ZNF37A: variants seen among roughly 807,000 people sequenced by gnomAD.
ZNF37A encodes zinc finger protein 37a (KOX 21).
ZNF37A carries 10 observed loss-of-function variants against 12.3 expected under a neutral mutation model. That is an observed-to-expected ratio of 0.82 (90% CI 0.50 to 1.38). The LOEUF (loss-of-function observed/expected upper bound fraction) is 1.38, where lower values mean the gene tolerates loss of function less well. Among genes scored for constraint, ZNF37A ranks in the 40% most tolerant of loss-of-function variants. The pLI is 0.00. For synonymous variants in ZNF37A, 207 were observed against 223.0 expected (o/e 0.93, Z 0.64); for missense variants, 580 against 651.2 (o/e 0.89, Z 1.19).
At chr10:38,112,166 A>T (rs1484535086) in intron 5 of ZNF37A, among the ~76,000 whole-genome samples, 2 of 151,508 alleles carry the variant, frequency 1.3e-5, no homozygotes, top group South Asian at 2.1e-4. Flanking sequence ...ACCCAACAAA[A>T]CCCCTTTCCT....
At chr10:38,109,567 T>G (rs1343335948) in intron 5 of ZNF37A, among the ~76,000 whole-genome samples, 2 of 152,174 alleles carry the variant, frequency 1.3e-5, no homozygotes, top group African/African-American at 2.4e-5. Context: ...TGTTTGCAGA[T>G]GACATGATTC....
intron 7 of ZNF37A, among the ~76,000 whole-genome samples, chr10:38,132,739 A>G (rs957391694): frequency 4.6e-5 from 7 of 151,836 alleles, no homozygotes; most frequent in African/African-American, 1.7e-4. Flanking sequence ...TGTATTTTCA[A>G]CTTTCTTTAT....
chr10:38,135,661 T>C (rs1006773614), intron 7 of ZNF37A, among the ~76,000 whole-genome samples: 2 of 152,228 alleles, frequency 1.3e-5, no homozygotes, highest in African/African-American at 4.8e-5. Context: ...AGAGGTTTAA[T>C]TGACTCAACA....
At chr10:38,109,690 C>T (rs1212518280) in intron 5 of ZNF37A, among the ~76,000 whole-genome samples, 1 of 152,158 alleles carries the variant, frequency 6.6e-6, no homozygotes, top group Non-Finnish European at 1.5e-5. Flanking sequence ...CAGTCCTATA[C>T]ACCAATAATA....
intron 5 of ZNF37A, among the ~76,000 whole-genome samples, chr10:38,104,297 G>T (rs2067845991): frequency 6.6e-6 from 1 of 152,146 alleles, no homozygotes; most frequent in Non-Finnish European, 1.5e-5. Flanking sequence ...TCTTCAGAGA[G>T]CCCGCATAGA....
chr10:38,148,253 T>G (rs906850556), exon 8 of ZNF37A: 8 of 152,152 alleles, frequency 5.3e-5, no homozygotes, highest in African/African-American at 1.9e-4. Context: ...TGGCCCAAAT[T>G]TACAGAATTA....
At chr10:38,131,293 C>T (rs1479370169) in intron 7 of ZNF37A, among the ~76,000 whole-genome samples, 1 of 152,084 alleles carries the variant, frequency 6.6e-6, no homozygotes, top group Non-Finnish European at 1.5e-5. Flanking sequence ...TGAGGATTTT[C>T]TCCAGTGCTT....
At chr10:38,127,835 TGTG>T (rs1474319635), downstream of ZNF37A, among the ~76,000 whole-genome samples, 3 of 152,074 alleles carry the variant, frequency 2.0e-5, no homozygotes, top group Admixed American at 6.5e-5. Flanking sequence ...ACAAAAGAGG[TGTG>T]GTCGTAGTGC....
At chr10:38,143,837 A>G (rs1285780835) in intron 7 of ZNF37A, 5 of 152,252 alleles carry the variant, frequency 3.3e-5, no homozygotes, top group South Asian at 2.1e-4. Flanking sequence ...CCTTGCAGCA[A>G]GAAGTCCACA....
chr10:38,114,733 G>A (rs1480834126), intron 5 of ZNF37A, 22 bp from the exon 6 acceptor site: 3 of 1,613,870 alleles, frequency 1.9e-6, no homozygotes, highest in Non-Finnish European at 2.5e-6. Context: ...ACTTCAGACT[G>A]AGCAAAATTG....
intron 7 of ZNF37A, among the ~76,000 whole-genome samples, chr10:38,134,200 A>G (rs1227126759): frequency 1.3e-5 from 2 of 152,128 alleles, no homozygotes; most frequent in East Asian, 3.9e-4. Context: ...TCTTCTTTCA[A>G]AGTTTTTAGC....
intron 7 of ZNF37A, chr10:38,138,589 G>A (rs1186237080): frequency 2.0e-5 from 3 of 152,144 alleles, no homozygotes; most frequent in South Asian, 2.1e-4. Context: ...AGAATACTTA[G>A]TGAGGTCTAA....
At chr10:38,113,282 G>C (rs553553554) in intron 5 of ZNF37A, among the ~76,000 whole-genome samples, 13 of 127,598 alleles carry the variant, frequency 1.0e-4, no homozygotes, top group African/African-American at 3.9e-4. Context: ...GCACAGTCTT[G>C]GCTCACTGCA....
rs1231866163 is a variant in ZNF37A at position 38,117,500 on chromosome 10, C to A, written c.349C>A (p.Pro117Thr). 6.2e-7 allele frequency: 1 copy of A among 1,612,878 alleles called. No individual in the cohort carries two copies. The highest frequency in any genetic ancestry group is 2.2e-5 in the East Asian group (1 of 44,838). ...TGAAATAATTCATTCTGAAGAGGAACCTTCTGAATATAATAAAAATGGGAA... is the reference window on the plus strand; with the variant it reads ...TGAAATAATTCATTCTGAAGAGGAAACTTCTGAATATAATAAAAATGGGAA... ...KHEIIHSEEE[P>T]SEYNKNGNSF... Residue 117 changes from proline to threonine, a missense_variant, in exon 8 of 8, where the codon CCT becomes ACT. Coordinates refer to ENST00000685332, the MANE Select transcript of ZNF37A (RefSeq NM_001324250.3).
intron 4 of ZNF37A, among the ~76,000 whole-genome samples, chr10:38,096,208 C>G (rs1321596836): frequency 2.0e-5 from 3 of 152,110 alleles, no homozygotes; most frequent in Non-Finnish European, 2.9e-5. Flanking sequence ...CTGAAAAATA[C>G]CACATCGCTT....
Position 38,118,397 on chromosome 10 carries a change from T to C in ZNF37A, c.1246T>C (p.Cys416Arg), listed in dbSNP as rs1376714448. 2 of 1,613,970 alleles carry C rather than the reference T, an allele frequency of 1.2e-6. No homozygotes were observed. The highest frequency in any genetic ancestry group is 1.7e-6 in the Non-Finnish European group (2 of 1,179,980). Residue 416 changes from cysteine (C) to arginine (R), a missense_variant, in exon 8 of 8, where the codon TGT (cysteine) becomes CGT (arginine). Coordinates refer to ENST00000685332, the MANE Select transcript of ZNF37A (RefSeq NM_001324250.3). ...TGEKPYECNECGKSFSEKSTL... is the reference protein window; with the variant it reads ...TGEKPYECNERGKSFSEKSTL... ...TGAAAAACCTTATGAATGTAATGAA[T>C]GTGGGAAGTCATTCTCTGAGAAGTC...
chr10:38,139,143 C>G (rs1455800377), intron 7 of ZNF37A: 2 of 152,190 alleles, frequency 1.3e-5, no homozygotes, highest in Non-Finnish European at 2.9e-5. Flanking sequence ...CTGTGTCACT[C>G]TCTCCCCTTT....
At chr10:38,138,045 A>G (rs1321437152) in intron 7 of ZNF37A, 1 of 152,172 alleles carries the variant, frequency 6.6e-6, no homozygotes, top group Non-Finnish European at 1.5e-5. Context: ...GAAATAAATA[A>G]CTCTTTGTAA....
intron 5 of ZNF37A, among the ~76,000 whole-genome samples, chr10:38,112,730 A>T (rs1160956644): frequency 1.3e-5 from 1 of 77,502 alleles, no homozygotes. Flanking sequence ...TTTTACATCC[A>T]TTTTCTTTTC....
Sources: allele counts gnomAD v4.1 joint callset (sites outside exome capture counted in the v4.1 genomes callset), GRCh38; gene constraint gnomAD v4.1.1; transcripts MANE v1.5; gene names NCBI Gene and HGNC (gene_info 2026-07-23, HGNC 2026-07-21).